Variants in FBXL13 observed in about 807,000 individuals in gnomAD.
FBXL13 encodes the protein F-box and leucine-rich repeat protein 13.
In FBXL13, 67 loss-of-function variants were observed where a neutral mutation model predicts 83.6. The observed-to-expected ratio is 0.80, with a 90% CI of 0.66 to 0.98. FBXL13 has a LOEUF of 0.98. Ranked by LOEUF, FBXL13 falls within the 50% of genes least tolerant of loss-of-function variation. The pLI, the probability that FBXL13 is intolerant of heterozygous loss-of-function variation, is 0.00. For missense variants in FBXL13, 822 were observed against 866.5 expected (o/e 0.95, Z 0.64); for synonymous variants, 272 against 299.5 (o/e 0.91, Z 0.95).
chr7:102,993,677 A>C (rs1264211099), intron 6 of FBXL13, among the ~76,000 whole-genome samples: 1 of 152,188 alleles, frequency 6.6e-6, no homozygotes, highest in Non-Finnish European at 1.5e-5. Flanking sequence ...AGTTTGGCCA[A>C]CAGTTTGACT....
intron 7 of FBXL13, among the ~76,000 whole-genome samples, chr7:102,967,411 T>G (rs929070667): frequency 1.3e-5 from 2 of 152,304 alleles, no homozygotes; most frequent in African/African-American, 4.8e-5. Flanking sequence ...TAACTGGGAT[T>G]ACAGGCACCT....
chr7:102,832,530 A>T (rs532511553), intron 18 of FBXL13, among the ~76,000 whole-genome samples: 1 of 152,244 alleles, frequency 6.6e-6, no homozygotes, highest in African/African-American at 2.4e-5. Context: ...TCCTACAAAT[A>T]CTAAGTTCAT....
chr7:102,837,134 G>C (rs10487281), intron 17 of FBXL13, among the ~76,000 whole-genome samples: 24,504 of 152,226 alleles, frequency 0.16, 2,044 homozygotes, highest in Middle Eastern at 0.26. Flanking sequence ...CATATCCCAT[G>C]AGATGGAGAG....
At chr7:102,962,896 T>G (rs943939887) in intron 8 of FBXL13, among the ~76,000 whole-genome samples, 2 of 150,290 alleles carry the variant, frequency 1.3e-5, no homozygotes, top group African/African-American at 4.9e-5. Flanking sequence ...GACGAGTTAG[T>G]GGGTGCAGCA....
At chr7:103,032,655 T>C (rs1475028441) in intron 2 of FBXL13, among the ~76,000 whole-genome samples, 1 of 152,188 alleles carries the variant, frequency 6.6e-6, no homozygotes, top group Non-Finnish European at 1.5e-5. Flanking sequence ...TTTTCAACAT[T>C]TAATGAGTAT....
At chr7:103,012,659 C>A (rs1410851642) in intron 6 of FBXL13, among the ~76,000 whole-genome samples, 1 of 152,122 alleles carries the variant, frequency 6.6e-6, no homozygotes, top group Non-Finnish European at 1.5e-5. Context: ...GAAGAAAGCA[C>A]TGAATATGGA....
intron 6 of FBXL13, among the ~76,000 whole-genome samples, chr7:103,011,313 T>G (rs1349554490): frequency 6.6e-6 from 1 of 152,038 alleles, no homozygotes. Context: ...AAAACAATAC[T>G]GGAGGTGGTA....
chr7:103,074,008 T>G (rs945005958), intron 1 of FBXL13, among the ~76,000 whole-genome samples: 10 of 152,320 alleles, frequency 6.6e-5, no homozygotes, highest in African/African-American at 2.4e-4. Flanking sequence ...TGTTCTCAGC[T>G]TCCTACCCCC....
At chr7:102,896,255 G>A (rs1027491765) in intron 11 of FBXL13, among the ~76,000 whole-genome samples, 1 of 152,204 alleles carries the variant, frequency 6.6e-6, no homozygotes, top group African/African-American at 2.4e-5. Flanking sequence ...ATTGACTTGG[G>A]TTTTTAAAGG....
At chr7:102,921,629 G>A (rs1208828918) in intron 10 of FBXL13, among the ~76,000 whole-genome samples, 1 of 151,904 alleles carries the variant, frequency 6.6e-6, no homozygotes, top group African/African-American at 2.4e-5. Flanking sequence ...ATGGTGAGCC[G>A]AGATCATACC....
rs547472664 is a variant in FBXL13 at position 103,019,311 on chromosome 7, C to A, written c.495+5752G>T. Among the ~76,000 whole-genome samples, 19 of 152,280 alleles carry A rather than the reference C, an allele frequency of 1.2e-4. No individual in the cohort carries two copies. The South Asian group carries it at 3.3e-3, about 27-fold the overall frequency. ...AGACAACATACCGGAATGTCTGGGA[C>A]ACATTTAAAGCAGTGAGTAGAGGGA... On this transcript the variant is annotated intron_variant, in intron 6 of 19. Transcript: ENST00000313221.
chr7:102,929,434 G>C (rs1818730231), intron 9 of FBXL13, among the ~76,000 whole-genome samples: 1 of 152,104 alleles, frequency 6.6e-6, no homozygotes, highest in Non-Finnish European at 1.5e-5. Flanking sequence ...GGCCGAGGCG[G>C]GTGGATCACT....
rs560378305 is a variant in FBXL13, at chr7:103,046,915, G to A, written c.-1+8729C>T. 415 of 152,330 alleles carry A rather than the reference G, an allele frequency of 2.7e-3. 4 individuals carry two copies. The highest frequency in any genetic ancestry group is 1.4e-3 in the Non-Finnish European group (92 of 68,032). The allele number at this position is 152,330 out of a possible 1,614,324, so 9.4% of individuals were successfully genotyped here. A position where few individuals can be genotyped will look rare whatever the true frequency, so the allele number is the denominator to read the frequency against. Reference sequence around the variant, plus strand: ...GGTTCCAAAGTTTTGTTGCAGTGTGGATGGCAAGCACAGTCTTTCTCTGAT... The same window carrying A: ...GGTTCCAAAGTTTTGTTGCAGTGTGAATGGCAAGCACAGTCTTTCTCTGAT... On this transcript the variant is annotated intron_variant, in intron 2 of 19. Coordinates refer to ENST00000313221, the Ensembl canonical transcript of FBXL13.
intron 1 of FBXL13, among the ~76,000 whole-genome samples, chr7:103,073,477 C>T (rs1053868749): frequency 6.1e-5 from 8 of 130,280 alleles, no homozygotes; most frequent in African/African-American, 2.1e-4. Flanking sequence ...ACCAACACCC[C>T]GTGTCTCAAT....
intron 10 of FBXL13, among the ~76,000 whole-genome samples, chr7:102,916,694 C>T (rs1056609036): frequency 1.3e-5 from 2 of 152,096 alleles, no homozygotes; most frequent in Non-Finnish European, 2.9e-5. Context: ...TCATCATTTT[C>T]CCAGCCCAGA....
At chr7:102,822,986 TG>T (rs993296523) in intron 18 of FBXL13, among the ~76,000 whole-genome samples, 1 of 152,120 alleles carries the variant, frequency 6.6e-6, no homozygotes, top group African/African-American at 2.4e-5. Flanking sequence ...TGCTTGAGCC[TG>T]GGAGGTCAGT....
chr7:102,953,810 T>G (rs1823802793), intron 8 of FBXL13, among the ~76,000 whole-genome samples: 1 of 152,220 alleles, frequency 6.6e-6, no homozygotes, highest in African/African-American at 2.4e-5. Context: ...AAACCCTGAA[T>G]GTTGCAACTT....
chr7:102,917,494 C>T (rs1816136606), intron 10 of FBXL13, among the ~76,000 whole-genome samples: 1 of 152,122 alleles, frequency 6.6e-6, no homozygotes. Context: ...AAGGAAAAAT[C>T]ACTGCAGACT....
chr7:102,964,894 G>A lies in FBXL13; in HGVS notation c.592-1229C>T, dbSNP rs115406249. On this transcript the variant is annotated intron_variant, in intron 7 of 19. Transcript: ENST00000313221. ...ATAGGAGACAGATTAAATAAATTGA[G>A]TGACTTCCATACAACAGACCACTGG... Among the ~76,000 whole-genome samples the A allele has an allele frequency of 3.8e-3, 573 of 152,276 alleles. 5 individuals carry two copies. Among genetic ancestry groups the A allele is most frequent in the African/African-American group, 0.013 (543 of 41,552 alleles).
Sources: gnomAD v4.1 joint callset for allele counts (sites outside exome capture counted in the v4.1 genomes callset) on GRCh38, gnomAD v4.1.1 for gene constraint, MANE v1.5 for transcripts, NCBI Gene and HGNC (gene_info 2026-07-23, HGNC 2026-07-21) for gene names.